REV3L: variants seen among roughly 807,000 people sequenced by gnomAD.
The protein encoded by REV3L is DNA polymerase zeta catalytic subunit.
Under a neutral mutation model 299.4 loss-of-function variants are expected in REV3L, and 69 were observed. The ratio of observed to expected loss-of-function variants is 0.23; its 90% CI spans 0.19 to 0.28. The LOEUF is 0.28. Among genes scored for constraint, REV3L ranks in the 10% least tolerant of loss-of-function variants. The probability of loss-of-function intolerance (pLI) is 1.00; values close to 1 mark genes in which losing one functional copy is unlikely to be tolerated. For synonymous variants in REV3L, 1,238 were observed against 1,271.4 expected (o/e 0.97, Z 0.56); for missense variants, 3,128 against 3,693.8 (o/e 0.85, Z 3.97).
rs547946785 is a variant in REV3L, at chr6:111,405,532, T to C, written c.503A>G (p.Asn168Ser). 1.2e-5 allele frequency: 19 copies of C among 1,609,752 alleles called. No homozygotes were observed. Among genetic ancestry groups the C allele is most frequent in the Admixed American group, 3.4e-5 (2 of 59,568 alleles). ...PYLLQLFIDY[N>S]LYGMNLINLA... Reference sequence around the variant, plus strand: ...ATTTATTAAATTCATGCCATAAAGATTGTAGTCAATGAAGAGCTGTAGGAG... The same window carrying C: ...ATTTATTAAATTCATGCCATAAAGACTGTAGTCAATGAAGAGCTGTAGGAG... The change falls in exon 4 of 32, where the codon AAT becomes AGT. Residue 168 changes from asparagine to serine, a missense_variant. This residue lies in a region of REV3L where 2,409 missense variants were observed against 2,611.8 expected (regional missense o/e 0.92). Transcript: ENST00000368802.
rs1775398283 is a variant in REV3L at position 111,331,748 on chromosome 6, T to C, written c.7962A>G (p.Arg2654=). 6.2e-7 allele frequency: 1 copy of C among 1,613,256 alleles called. No individual in the cohort carries two copies. Among genetic ancestry groups the C allele is most frequent in the Non-Finnish European group, 8.5e-7 (1 of 1,179,514 alleles). The change falls in exon 24 of 32, where the codon AGA becomes AGG. Residue 2654 remains arginine, a synonymous_variant. Transcript: ENST00000368802. ...DEFKFGCTSL[R]VPPDLLYQVR... ...CTTGGTAAAGTAAATCTGGAGGTACTCTCAGAGAGGTACAGCCAAATTTGA... is the reference window on the plus strand; with the variant it reads ...CTTGGTAAAGTAAATCTGGAGGTACCCTCAGAGAGGTACAGCCAAATTTGA...
chr6:111,319,647 C>T (rs1450050760), intron 26 of REV3L, among the ~76,000 whole-genome samples: 3 of 151,966 alleles, frequency 2.0e-5, no homozygotes, highest in South Asian at 2.1e-4. Context: ...AATAACTAAA[C>T]GTTTAATTGG....
intron 1 of REV3L, among the ~76,000 whole-genome samples, chr6:111,427,796 T>A (rs1028453832): frequency 6.6e-6 from 1 of 151,974 alleles, no homozygotes; most frequent in Non-Finnish European, 1.5e-5. Context: ...AAGGGAGAAA[T>A]AATCCCTGAA....
intron 5 of REV3L, among the ~76,000 whole-genome samples, chr6:111,391,066 ATT>A (rs35980642): frequency 3.1e-3 from 431 of 137,414 alleles, no homozygotes; most frequent in African/African-American, 6.1e-3. Context: ...ACACTTTGGT[ATT>A]TTTTTTTTTT....
chr6:111,367,179 T>C lies in REV3L; in HGVS notation c.6609A>G (p.Pro2203=). Residue 2203 remains proline (P), a synonymous_variant, in exon 14 of 32, where the codon CCA becomes CCG. Coordinates refer to ENST00000368802, the MANE Select transcript of REV3L (RefSeq NM_001372078.1). ...KCESLCFHST[P]IIQRKLLERL... The stretch of plus-strand genomic sequence containing the variant: ...TTTCCAGAAGTTTTCTCTGTATGAT[T>C]GGTGTACTATGAAAGCAAAGTGATT... 1 of 1,613,490 alleles carries C rather than the reference T, an allele frequency of 6.2e-7. No individual in the cohort carries two copies. Among genetic ancestry groups the C allele is most frequent in the East Asian group, 2.2e-5 (1 of 44,876 alleles).
chr6:111,374,691 T>C lies in REV3L; in HGVS notation c.3664A>G (p.Lys1222Glu), dbSNP rs1780121897. 6.2e-7 allele frequency: 1 copy of C among 1,613,472 alleles called. No individual in the cohort carries two copies. The highest frequency in any genetic ancestry group is 8.5e-7 in the Non-Finnish European group (1 of 1,179,902). ...TTTTCATCCTTAAGTGTTGTATGCT[T>C]TCTCGATGTACCTTTCTCATTTGTT... ...QKTNEKGTSR[K>E]HTTLKDEKIK... Residue 1222 changes from lysine to glutamate, a missense_variant, in exon 13 of 32, where the codon AAG becomes GAG. Lys to Glu is a moderately conservative substitution (Grantham distance 56). Around this residue, in one of 9 missense-constraint regions of REV3L, gnomAD observed 2,409 missense variants for 2,611.8 expected, o/e 0.92. Coordinates refer to ENST00000368802, the MANE Select transcript of REV3L (RefSeq NM_001372078.1).
intron 1 of REV3L, among the ~76,000 whole-genome samples, chr6:111,443,447 C>T (rs1204335575): frequency 6.6e-6 from 1 of 152,142 alleles, no homozygotes; most frequent in Non-Finnish European, 1.5e-5. Flanking sequence ...TAGATACCTG[C>T]TTATATGTGG....
intron 1 of REV3L, among the ~76,000 whole-genome samples, chr6:111,419,444 G>T (rs1358305315): frequency 6.6e-6 from 1 of 152,100 alleles, no homozygotes; most frequent in Non-Finnish European, 1.5e-5. Context: ...GCTTTATCTT[G>T]ACAAGATACA....
rs540915517 is a variant in REV3L at position 111,461,114 on chromosome 6, TA to T, written c.139+21635del. 6.0e-3 allele frequency among the ~76,000 whole-genome samples: 906 copies of T among 152,252 alleles called. 4 individuals carry two copies. The highest frequency in any genetic ancestry group is 9.8e-3 in the Non-Finnish European group (665 of 67,982). Reference sequence around the variant, plus strand: ...CTTACATAAAAAGGAAAGTTAACTGTAAAACAGCCTCAGGTAAGTCCTTCAG... The same window carrying T: ...CTTACATAAAAAGGAAAGTTAACTGTAAACAGCCTCAGGTAAGTCCTTCAG... On this transcript the variant is annotated intron_variant, in intron 1 of 31. Transcript: ENST00000368802.
Position 111,389,201 on chromosome 6 carries a change from C to A in REV3L, c.767G>T (p.Gly256Val). The A allele has an allele frequency of 6.2e-7, 1 of 1,612,898 alleles. No homozygotes were observed. Among genetic ancestry groups the A allele is most frequent in the Non-Finnish European group, 8.5e-7 (1 of 1,179,142 alleles). Residue 256 changes from glycine (G) to valine (V), a missense_variant, in exon 7 of 32, where the codon GGT becomes GTT. This residue lies in a region of REV3L where 2,409 missense variants were observed against 2,611.8 expected (regional missense o/e 0.92). Transcript: ENST00000368802. ...TATGGCCTGTAGACCAGGGTTTCCACCAATTTGAGCTGTAATCACAATAAT... is the reference window on the plus strand; with the variant it reads ...TATGGCCTGTAGACCAGGGTTTCCAACAATTTGAGCTGTAATCACAATAAT... ...LNRLDIEAQI[G>V]GNPGLQAIWE...
chr6:111,341,092 A>G (rs1190371831), intron 21 of REV3L, among the ~76,000 whole-genome samples: 1 of 132,466 alleles, frequency 7.5e-6, no homozygotes, highest in Non-Finnish European at 1.5e-5. Flanking sequence ...ACTGGAGTGG[A>G]GCGCAGTGGC....
intron 9 of REV3L, among the ~76,000 whole-genome samples, chr6:111,383,346 T>C (rs1023661083): frequency 2.6e-5 from 4 of 152,226 alleles, no homozygotes; most frequent in African/African-American, 9.6e-5. Context: ...ATTATCCTTA[T>C]CTGCCGATGG....
intron 25 of REV3L, among the ~76,000 whole-genome samples, chr6:111,324,598 T>C (rs1774532314): frequency 6.6e-6 from 1 of 152,178 alleles, no homozygotes; most frequent in African/African-American, 2.4e-5. Context: ...TGCCTAATGC[T>C]CTTACTCTGG....
chr6:111,437,279 C>T (rs1787667347), intron 1 of REV3L, among the ~76,000 whole-genome samples: 2 of 152,194 alleles, frequency 1.3e-5, no homozygotes, highest in South Asian at 4.1e-4. Context: ...ACACAAATAC[C>T]TGTACATGAA....
intron 1 of REV3L, among the ~76,000 whole-genome samples, chr6:111,437,553 G>A (rs1040591086): frequency 6.6e-6 from 1 of 150,986 alleles, no homozygotes; most frequent in Non-Finnish European, 1.5e-5. Context: ...ATTATATAGA[G>A]AAAAATTTTA....
At chr6:111,316,740 TAA>T (rs1773571798) in intron 26 of REV3L, among the ~76,000 whole-genome samples, 1 of 149,996 alleles carries the variant, frequency 6.7e-6, no homozygotes, top group South Asian at 2.1e-4. Context: ...TTAGAAAACA[TAA>T]AAAGACACAC....
intron 28 of REV3L, 131 bp from the exon 29 acceptor site, chr6:111,311,390 G>A: frequency 5.6e-6 from 3 of 531,192 alleles, no homozygotes. Context: ...TACTTACAAT[G>A]ATGGGATAAT....
chr6:111,372,647 ATAGTCT>A lies in REV3L; in HGVS notation c.5702_5707del (p.Glu1901_Ile1903delinsVal), dbSNP rs1779914120. 4 of 1,521,812 alleles carry A rather than the reference ATAGTCT, an allele frequency of 2.6e-6. No individual in the cohort carries two copies. The highest frequency in any genetic ancestry group is 3.5e-6 in the Non-Finnish European group (4 of 1,136,916). 94.3% of individuals were successfully genotyped at this position (1,521,812 alleles called of 1,614,324 possible). A position where few individuals can be genotyped will look rare whatever the true frequency, so the allele number is the denominator to read the frequency against. Reference sequence around the variant, plus strand: ...ATTACTGCAAAATGGTTCCTGGTAAATAGTCTCAGACAGGTCATGATCCAACAAAGT... The same window carrying A: ...ATTACTGCAAAATGGTTCCTGGTAAACAGACAGGTCATGATCCAACAAAGT... On this transcript the variant is annotated inframe_deletion, in exon 13 of 32. Transcript: ENST00000368802.
intron 9 of REV3L, among the ~76,000 whole-genome samples, chr6:111,385,972 T>G (rs1036373081): frequency 6.6e-6 from 1 of 152,242 alleles, no homozygotes; most frequent in Non-Finnish European, 1.5e-5. Context: ...TATCAAATGT[T>G]GAGGCTTTGC....
Sources: allele counts gnomAD v4.1 joint callset (sites outside exome capture counted in the v4.1 genomes callset), GRCh38; gene constraint gnomAD v4.1.1; regional missense constraint gnomAD v4.1.1; transcripts MANE v1.5; gene names NCBI Gene and HGNC (gene_info 2026-07-23, HGNC 2026-07-21).